ZNF267: variants seen among roughly 807,000 people sequenced by gnomAD.
The protein encoded by ZNF267 is zinc finger protein 267, also known as zinc finger (C2H2).
A neutral mutation model predicts 71.6 loss-of-function variants in ZNF267; 61 were observed. The ratio of observed to expected loss-of-function variants is 0.85; its 90% CI spans 0.69 to 1.05. ZNF267 has a LOEUF of 1.05. ZNF267 is among the 50% of genes least tolerant of loss of function. The pLI, the probability that ZNF267 is intolerant of heterozygous loss-of-function variation, is 0.00. For synonymous variants in ZNF267, 288 were observed against 293.2 expected (o/e 0.98, Z 0.18); for missense variants, 852 against 870.0 (o/e 0.98, Z 0.26).
intron 3 of ZNF267, among the ~76,000 whole-genome samples, chr16:31,892,602 C>G (rs897373346): frequency 6.6e-6 from 1 of 152,250 alleles, no homozygotes; most frequent in Non-Finnish European, 1.5e-5. Flanking sequence ...AAGTTGGTTA[C>G]TTCCTAGATA....
chr16:31,917,017 T>C lies in ZNF267; in HGVS notation c.*536T>C, dbSNP rs1214709895. ...AAGAACATTGATGTTTTGACAGGTA[T>C]ATTTCATAGATACTTCATTTGTATT... On this transcript the variant is annotated 3_prime_UTR_variant, in exon 4 of 4. Coordinates refer to ENST00000300870, the MANE Select transcript of ZNF267 (RefSeq NM_003414.6). 2 of 153,204 alleles carry C rather than the reference T, an allele frequency of 1.3e-5. No homozygotes were observed. The highest frequency in any genetic ancestry group is 3.8e-4 in the East Asian group (2 of 5,198). The allele number at this position is 153,204 out of a possible 1,614,324, so 9.5% of individuals were successfully genotyped here.
At chr16:31,904,977 C>A (rs1273904838) in intron 3 of ZNF267, among the ~76,000 whole-genome samples, 1 of 152,126 alleles carries the variant, frequency 6.6e-6, no homozygotes, top group Admixed American at 6.6e-5. Flanking sequence ...GTAGGGCAGG[C>A]CTGGTGGTGA....
At chr16:31,889,584 T>G (rs563697515) in intron 3 of ZNF267, among the ~76,000 whole-genome samples, 1 of 152,356 alleles carries the variant, frequency 6.6e-6, no homozygotes, top group East Asian at 1.9e-4. Context: ...GAGATTTAAT[T>G]GGTCTACAGT....
At chr16:31,902,905 T>C (rs897349234) in intron 3 of ZNF267, among the ~76,000 whole-genome samples, 3 of 152,118 alleles carry the variant, frequency 2.0e-5, no homozygotes, top group Non-Finnish European at 2.9e-5. Flanking sequence ...TTTTTGTCCA[T>C]TCAGTGTGAT....
intron 3 of ZNF267, among the ~76,000 whole-genome samples, chr16:31,897,431 T>A (rs1222558763): frequency 6.6e-6 from 1 of 152,128 alleles, no homozygotes; most frequent in African/African-American, 2.4e-5. Context: ...TACATGAGGA[T>A]TTATGGGCTC....
chr16:31,915,209 A>G lies in ZNF267; in HGVS notation c.960A>G (p.Lys320=), dbSNP rs1309217538. ...LRKQIIHNEE[K]PYKCEKCGDS... is the part of the protein sequence containing the mutation. Reference sequence around the variant, plus strand: ...AGCAGATAATCCATAATGAAGAGAAACCATACAAATGTGAAAAATGTGGGG... The same window carrying G: ...AGCAGATAATCCATAATGAAGAGAAGCCATACAAATGTGAAAAATGTGGGG... The change falls in exon 4 of 4, where the codon AAA becomes AAG. Residue 320 remains lysine (K), a synonymous_variant. Transcript: ENST00000300870. 1.2e-6 allele frequency: 2 copies of G among 1,613,642 alleles called. No individual in the cohort carries two copies. Among genetic ancestry groups the G allele is most frequent in the Non-Finnish European group, 1.7e-6 (2 of 1,179,848 alleles).
At chr16:31,911,675 ATAAGTATGT>A (rs2084136481) in intron 3 of ZNF267, among the ~76,000 whole-genome samples, 1 of 150,384 alleles carries the variant, frequency 6.6e-6, no homozygotes, top group South Asian at 2.1e-4. Context: ...ATTATTATTG[ATAAGTATGT>A]GTTCACTCCT....
intron 1 of ZNF267, among the ~76,000 whole-genome samples, chr16:31,882,774 A>G (rs1175917750): frequency 2.6e-5 from 4 of 152,200 alleles, no homozygotes; most frequent in Non-Finnish European, 4.4e-5. Context: ...TAGCACTGGT[A>G]CCAATTTGTC....
chr16:31,914,794 A>G lies in ZNF267; in HGVS notation c.545A>G (p.Asp182Gly), dbSNP rs1452661081. The G allele has an allele frequency of 3.7e-6, 6 of 1,613,080 alleles. No homozygotes were observed. The East Asian group carries it at 6.7e-5, about 18-fold the overall frequency. The change falls in exon 4 of 4, where the codon GAT becomes GGT. Residue 182 changes from aspartate (D) to glycine (G), a missense_variant. Physicochemically the swap from Asp to Gly is moderately conservative, Grantham distance 94 (BLOSUM62 -1). Transcript: ENST00000300870. ...SSLLNQQEEI[D>G]IWGKHHIYDK... ...TTGCTTAATCAACAAGAGGAAATAG[A>G]TATTTGGGGAAAACATCACATATAT...
chr16:31,912,032 A>T (rs2084139740), intron 3 of ZNF267: 1 of 151,126 alleles, frequency 6.6e-6, no homozygotes, highest in Non-Finnish European at 1.5e-5. Flanking sequence ...GTCTTGAAAC[A>T]TTGTTGTAGT....
Position 31,914,938 on chromosome 16 carries a change from G to A in ZNF267, c.689G>A (p.Ser230Asn), listed in dbSNP as rs775890937. The change falls in exon 4 of 4, where the codon AGC (serine) becomes AAC (asparagine). Residue 230 changes from serine to asparagine, a missense_variant. Transcript: ENST00000300870. ...GAAAAAACCTTGAACCAAAGCTCAAGCCCTAAAAATCATCAGGAAAATTAT... is the reference window on the plus strand; with the variant it reads ...GAAAAAACCTTGAACCAAAGCTCAAACCCTAAAAATCATCAGGAAAATTAT... ...NSEKTLNQSS[S>N]PKNHQENYFL... 39 of 1,609,246 alleles carry A rather than the reference G, an allele frequency of 2.4e-5. No homozygotes were observed. The highest frequency in any genetic ancestry group is 2.2e-4 in the East Asian group (10 of 44,796).
chr16:31,884,537 T>G lies in ZNF267; in HGVS notation c.43T>G (p.Leu15Val), dbSNP rs774636796. The G allele has an allele frequency of 1.9e-6, 3 of 1,614,156 alleles. No homozygotes were observed. The highest frequency in any genetic ancestry group is 2.5e-6 in the Non-Finnish European group (3 of 1,180,008). The part of the protein sequence containing the change: ...TFRDVAVEFS[L>V]EEWEHLEPAQ... ...CAGGGATGTGGCCGTAGAATTCTCT[T>G]TGGAGGAGTGGGAACACCTGGAACC... The change falls in exon 2 of 4, where the codon TTG (leucine) becomes GTG (valine). Residue 15 changes from leucine (L) to valine (V), a missense_variant. Coordinates refer to ENST00000300870, the MANE Select transcript of ZNF267 (RefSeq NM_003414.6).
At chr16:31,896,651 A>C (rs181225211) in intron 3 of ZNF267, among the ~76,000 whole-genome samples, 13 of 152,338 alleles carry the variant, frequency 8.5e-5, no homozygotes, top group African/African-American at 3.1e-4. Flanking sequence ...GTTTGGTGCC[A>C]GTACAATACT....
At chr16:31,888,398 A>G (rs1341498436) in intron 3 of ZNF267, among the ~76,000 whole-genome samples, 1 of 151,880 alleles carries the variant, frequency 6.6e-6, no homozygotes, top group African/African-American at 2.4e-5. Flanking sequence ...ATTTCTCACT[A>G]CTATGTTGAA....
In ZNF267 at chr16:31,884,478, A is replaced by G. The variant is rs1035818429; in HGVS notation, c.4-20A>G. On this transcript the variant is annotated intron_variant, in intron 1 of 3. Coordinates refer to ENST00000300870, the MANE Select transcript of ZNF267 (RefSeq NM_003414.6). ...TCTGCCATGGCCACATGGTCAGTGT[A>G]TTCTTTATTTTTATTTCAGGGACTG... The G allele has an allele frequency of 3.1e-6, 5 of 1,613,834 alleles. No homozygotes were observed. Among genetic ancestry groups the G allele is most frequent in the African/African-American group, 1.3e-5 (1 of 74,922 alleles).
intron 3 of ZNF267, among the ~76,000 whole-genome samples, chr16:31,901,714 G>C (rs1245856165): frequency 2.0e-5 from 3 of 151,616 alleles, no homozygotes. Flanking sequence ...AGATGAGTAG[G>C]TTGCAAAAAT....
chr16:31,887,641 A>G (rs1406117285), intron 3 of ZNF267, among the ~76,000 whole-genome samples: 2 of 152,016 alleles, frequency 1.3e-5, no homozygotes, highest in Non-Finnish European at 2.9e-5. Context: ...AAGAGACTAT[A>G]CTTCCCCTTT....
chr16:31,908,194 T>G (rs528215342), intron 3 of ZNF267, among the ~76,000 whole-genome samples: 19 of 152,334 alleles, frequency 1.2e-4, no homozygotes, highest in African/African-American at 4.6e-4. Flanking sequence ...CTCCCTAGTT[T>G]GGGTTTTTTT....
intron 3 of ZNF267, among the ~76,000 whole-genome samples, chr16:31,895,882 A>G (rs556380698): frequency 7.2e-5 from 11 of 152,186 alleles, no homozygotes; most frequent in South Asian, 6.2e-4. Context: ...ACACCTTTTC[A>G]TATGTATAGT....
Sources: gnomAD v4.1 joint callset for allele counts (sites outside exome capture counted in the v4.1 genomes callset) on GRCh38, gnomAD v4.1.1 for gene constraint, MANE v1.5 for transcripts, NCBI Gene and HGNC (gene_info 2026-07-23, HGNC 2026-07-21) for gene names.